RAB6B: variants seen among roughly 807,000 people sequenced by gnomAD.
RAB6B encodes the protein ras-related protein Rab-6B.
In RAB6B, 7 loss-of-function variants were observed where a neutral mutation model predicts 31.2. The ratio of observed to expected loss-of-function variants is 0.22; its 90% confidence interval spans 0.13 to 0.42. The LOEUF is 0.42. RAB6B is among the 10% of genes least tolerant of loss of function. RAB6B has a pLI of 1.00. For missense variants in RAB6B, 149 were observed against 280.6 expected (o/e 0.53, Z 3.35); for synonymous variants, 105 against 104.9 (o/e 1.00, Z -0.01).
chr3:133,869,165 C>G lies in RAB6B; in HGVS notation c.71-4523G>C, dbSNP rs1281946515. Among the ~76,000 whole-genome samples the G allele has an allele frequency of 2.6e-5, 4 of 152,294 alleles. No homozygotes were observed. The East Asian group carries it at 7.7e-4, about 29-fold the overall frequency. ...AACAATGTGTGCAAAGGCACAGAGA[C>G]AGGGAGAGAAAACACTCGTGAGAAG... On this transcript the variant is annotated intron_variant, in intron 1 of 7. Transcript: ENST00000285208.
At chr3:133,839,422 C>T (rs1935787617) in intron 5 of RAB6B, 84 bp downstream of exon 5, 1 of 1,182,656 alleles carries the variant, frequency 8.5e-7, no homozygotes, top group Admixed American at 1.7e-5. Context: ...GACACACCAC[C>T]CATGCATCCC....
In RAB6B at chr3:133,841,321, C is replaced by T; in HGVS notation, c.253G>A (p.Asp85Asn). 1 of 1,614,156 alleles carries T rather than the reference C, an allele frequency of 6.2e-7. No individual in the cohort carries two copies. Among genetic ancestry groups the T allele is most frequent in the Non-Finnish European group, 8.5e-7 (1 of 1,180,010 alleles). The change falls in exon 4 of 8, where the codon GAC (aspartate) becomes AAC (asparagine). Residue 85 changes from aspartate (D) to asparagine (N), a missense_variant. By Grantham distance (23) the Asp-to-Asn change is conservative. Coordinates refer to ENST00000285208, the MANE Select transcript of RAB6B (RefSeq NM_016577.4). ...TACACCACCACAGCCACCGTGGAGT[C>T]CCGGATGTAGCTGGGGATCAGGCTG... ...FRSLIPSYIRDSTVAVVVYDI... is the reference protein window; with the variant it reads ...FRSLIPSYIRNSTVAVVVYDI...
intron 2 of RAB6B, among the ~76,000 whole-genome samples, chr3:133,864,002 C>T (rs377676677): frequency 2.0e-5 from 3 of 152,152 alleles, no homozygotes; most frequent in African/African-American, 7.2e-5. Context: ...TGGTTGACCC[C>T]AGACTACGCC....
chr3:133,868,957 A>G (rs1388548990), intron 1 of RAB6B, among the ~76,000 whole-genome samples: 2 of 152,184 alleles, frequency 1.3e-5, no homozygotes, highest in East Asian at 3.8e-4. Context: ...TTTGAGCCAG[A>G]GTCGATGCCT....
intron 1 of RAB6B, among the ~76,000 whole-genome samples, 173 bp downstream of exon 1, chr3:133,895,224 C>A (rs570846069): frequency 1.3e-3 from 198 of 152,244 alleles, no homozygotes; most frequent in African/African-American, 4.6e-3. Context: ...TCCGTCCTCA[C>A]CCTTGGCCCC....
intron 1 of RAB6B, among the ~76,000 whole-genome samples, chr3:133,883,563 C>T (rs1353435674): frequency 2.7e-5 from 4 of 150,504 alleles, no homozygotes; most frequent in Admixed American, 6.6e-5. Flanking sequence ...CCTCTCCCTT[C>T]GGTCTCAGCA....
chr3:133,866,452 A>C (rs1936238329), intron 1 of RAB6B, among the ~76,000 whole-genome samples: 1 of 151,906 alleles, frequency 6.6e-6, no homozygotes, highest in African/African-American at 2.4e-5. Flanking sequence ...CACCACGCCA[A>C]CTCTGGGTGG....
chr3:133,838,352 C>T, intron 5 of RAB6B, 93 bp from the exon 6 acceptor site: 2 of 1,137,878 alleles, frequency 1.8e-6, no homozygotes, highest in South Asian at 2.5e-5. Flanking sequence ...CAGAGGGAGC[C>T]CACTGGGCCC....
chr3:133,878,508 C>A (rs1401179501), intron 1 of RAB6B, among the ~76,000 whole-genome samples: 1 of 152,166 alleles, frequency 6.6e-6, no homozygotes, highest in African/African-American at 2.4e-5. Context: ...GAATTCATCA[C>A]CAGCACACTC....
chr3:133,891,190 CCACTGAATGATCATTAACCCTTAA>C (rs1936633574), intron 1 of RAB6B, among the ~76,000 whole-genome samples: 1 of 152,056 alleles, frequency 6.6e-6, no homozygotes, highest in Admixed American at 6.5e-5. Flanking sequence ...GCAGTGGGGG[CCACTGAATGATCATTAACCCTTAA>C]CCACAGAGGA....
chr3:133,857,705 T>C (rs1052070654), intron 2 of RAB6B, among the ~76,000 whole-genome samples: 3 of 152,240 alleles, frequency 2.0e-5, no homozygotes, highest in Admixed American at 6.5e-5. Context: ...AGAACAGCCA[T>C]TTGCAAGCAT....
intron 1 of RAB6B, among the ~76,000 whole-genome samples, chr3:133,883,271 C>A (rs1420450258): frequency 6.6e-6 from 1 of 152,220 alleles, no homozygotes; most frequent in African/African-American, 2.4e-5. Context: ...CCTCCCTCAA[C>A]CTCCAAGGCA....
At chr3:133,871,723 G>A (rs1239367770) in intron 1 of RAB6B, among the ~76,000 whole-genome samples, 2 of 152,250 alleles carry the variant, frequency 1.3e-5, no homozygotes, top group Non-Finnish European at 1.5e-5. Flanking sequence ...AGAGCAGGGG[G>A]CAGAGCACAG....
chr3:133,878,401 G>GA lies in RAB6B; in HGVS notation c.71-13760dup, dbSNP rs1044301483. Among the ~76,000 whole-genome samples, 17 of 152,208 alleles carry GA rather than the reference G, an allele frequency of 1.1e-4. No homozygotes were observed. The East Asian group carries it at 2.5e-3, about 22-fold the overall frequency. On this transcript the variant is annotated intron_variant, in intron 1 of 7. Transcript: ENST00000285208. ...GTGCAATATCTATAAAGTACTGAAA[G>GA]AAAAAAACCTGTTAACCTAGAATTC...
At chr3:133,894,944 A>G (rs2692678) in intron 1 of RAB6B, among the ~76,000 whole-genome samples, 86,164 of 152,068 alleles carry the variant, frequency 0.57, 25,028 homozygotes, top group African/African-American at 0.69. Flanking sequence ...CAGCGGAGTG[A>G]GGCCCGGCCA....
intron 1 of RAB6B, among the ~76,000 whole-genome samples, chr3:133,889,131 A>G (rs1003236905): frequency 6.6e-6 from 1 of 152,060 alleles, no homozygotes; most frequent in Non-Finnish European, 1.5e-5. Flanking sequence ...GTTCTGTCCA[A>G]TAATTTCCCA....
At chr3:133,865,147 T>G (rs141330161) in intron 1 of RAB6B, among the ~76,000 whole-genome samples, 135 of 152,310 alleles carry the variant, frequency 8.9e-4, no homozygotes, top group Non-Finnish European at 9.6e-4. Flanking sequence ...AAATGTCATT[T>G]CCCCATGTCT....
chr3:133,838,476 C>G (rs569751704), intron 5 of RAB6B, among the ~76,000 whole-genome samples: 5 of 152,348 alleles, frequency 3.3e-5, no homozygotes, highest in Admixed American at 6.5e-5. Flanking sequence ...CCGCTTCCCC[C>G]ACTCCTTCCT....
chr3:133,854,382 A>AT lies in RAB6B; in HGVS notation c.129+10201dup, dbSNP rs1936046008. On this transcript the variant is annotated intron_variant, in intron 2 of 7. Coordinates refer to ENST00000285208, the MANE Select transcript of RAB6B (RefSeq NM_016577.4). ...TATTTTACAGGGATGTAAACGCAGG[A>AT]TATCAACACAGCATGAGCAGCAGGT... 2.6e-5 allele frequency among the ~76,000 whole-genome samples: 4 copies of AT among 152,188 alleles called. No individual in the cohort carries two copies. In the South Asian group the frequency reaches 8.3e-4, roughly 32 times the overall value.
Sources: allele counts gnomAD v4.1 joint callset (sites outside exome capture counted in the v4.1 genomes callset), GRCh38; gene constraint gnomAD v4.1.1; transcripts MANE v1.5; gene names NCBI Gene and HGNC (gene_info 2026-07-23, HGNC 2026-07-21).